The following ABCA3 variants were observed in gnomAD, a reference collection of about 807,000 sequenced individuals.
ABCA3 encodes the protein ATP binding cassette subfamily A member 3.
Under a neutral mutation model 172.8 loss-of-function variants are expected in ABCA3, and 88 were observed. The ratio of observed to expected loss-of-function variants is 0.51; its 90% CI spans 0.43 to 0.61. The LOEUF is 0.61. Ranked by LOEUF, ABCA3 falls within the 20% of genes least tolerant of loss-of-function variation. The probability of loss-of-function intolerance (pLI) is 0.00; values close to 1 mark genes in which losing one functional copy is unlikely to be tolerated. For missense variants in ABCA3, 2,164 were observed against 2,301.0 expected, an observed-to-expected ratio of 0.94 and a Z score of 1.22; for synonymous variants, 1,066 against 983.8, an observed-to-expected ratio of 1.08 and a Z score of -1.56.
chr16:2,332,470 T>C (rs1397167703), intron 1 of ABCA3: 15 of 990,960 alleles, frequency 1.5e-5, no homozygotes, highest in Non-Finnish European at 2.4e-5. Flanking sequence ...CTTCTGGTAA[T>C]AGGCCACCAG....
In ABCA3 at chr16:2,317,324, G is replaced by A. The variant is rs2093717510; in HGVS notation, c.1070C>T (p.Thr357Ile). The A allele has an allele frequency of 6.2e-7, 1 of 1,613,994 alleles. No individual in the cohort carries two copies. Among genetic ancestry groups the A allele is most frequent in the African/African-American group, 1.3e-5 (1 of 74,940 alleles). ...LAFLLCFAIS[T>I]ISFSFMVSTF... ...GCTGACCATGAAGCTGAAGGAGATG[G>A]TAGAGATGGCGAAGCACAGCAGGAA... The change falls in exon 10 of 33, where the codon ACC becomes ATC. Residue 357 changes from threonine to isoleucine, a missense_variant. Thr to Ile is a moderately conservative substitution (Grantham distance 89, BLOSUM62 -1). Transcript: ENST00000301732.
intron 11 of ABCA3, among the ~76,000 whole-genome samples, chr16:2,307,034 A>G (rs1567347047): frequency 6.6e-6 from 1 of 151,126 alleles, no homozygotes; most frequent in Admixed American, 6.6e-5. Context: ...AAAAAAAAAA[A>G]AAAAAGAAAA....
In ABCA3 at chr16:2,278,740, C is replaced by T. The variant is rs2093650642; in HGVS notation, c.4547+203G>A. On this transcript the variant is annotated intron_variant, in intron 29 of 32. Coordinates refer to ENST00000301732, the MANE Select transcript of ABCA3 (RefSeq NM_001089.3). This position sits in a 1 kb window ranked among gnomAD's most constrained non-coding sequence, Gnocchi z 4.4. ...CGACCCTGACATCTCTCACTGCTGG[C>T]TTTGTCCCTAGGTGGCAGGCACTGT... Among the ~76,000 whole-genome samples the T allele has an allele frequency of 6.6e-6, 1 of 152,232 alleles. No homozygotes were observed. The highest frequency in any genetic ancestry group is 6.5e-5 in the Admixed American group (1 of 15,286).
chr16:2,320,368 G>A (rs1287740897), intron 7 of ABCA3, among the ~76,000 whole-genome samples: 2 of 149,722 alleles, frequency 1.3e-5, no homozygotes, highest in Non-Finnish European at 3.0e-5. Flanking sequence ...AAAGTGCTGG[G>A]ATTACAGGCG....
intron 1 of ABCA3, chr16:2,339,447 C>CCCATGACATCCATTTTTAT (rs1383390783): frequency 3.3e-5 from 5 of 152,196 alleles, no homozygotes; most frequent in Admixed American, 1.3e-4. Context: ...GGGGGAGATT[C>CCCATGACATCCATTTTTAT]CCATGACATC....
At chr16:2,280,951 C>T (rs2093653982) in intron 28 of ABCA3, 76 bp downstream of exon 28, 1 of 1,575,604 alleles carries the variant, frequency 6.3e-7, no homozygotes, top group South Asian at 1.1e-5. Context: ...GACAGCATCC[C>T]TCTGTCCCTG....
intron 11 of ABCA3, among the ~76,000 whole-genome samples, chr16:2,305,050 C>T (rs1474810136): frequency 6.6e-6 from 1 of 152,064 alleles, no homozygotes; most frequent in African/African-American, 2.4e-5. Context: ...TGAGCTCGGG[C>T]AACCTACCCG....
intron 10 of ABCA3, among the ~76,000 whole-genome samples, chr16:2,315,806 G>A (rs1424273181): frequency 6.6e-6 from 1 of 151,406 alleles, no homozygotes. Context: ...TAGGACCACA[G>A]GGGCATGCCA....
At chr16:2,298,278 T>C in intron 15 of ABCA3, 108 bp downstream of exon 15, 1 of 1,534,272 alleles carries the variant, frequency 6.5e-7, no homozygotes, top group Non-Finnish European at 9.0e-7. Flanking sequence ...GAACCCTGGC[T>C]CCTGCCCTCC....
intron 5 of ABCA3, 134 bp from the exon 6 acceptor site, chr16:2,324,665 G>A: frequency 7.4e-7 from 1 of 1,351,132 alleles, no homozygotes; most frequent in East Asian, 2.5e-5. Context: ...TGAGACTCAA[G>A]GCAGCTTTCA....
intron 1 of ABCA3, among the ~76,000 whole-genome samples, chr16:2,334,598 G>A (rs1305906304): frequency 1.0e-4 from 15 of 147,762 alleles, no homozygotes; most frequent in African/African-American, 2.5e-4. Context: ...TGCAACCTCC[G>A]GCCCCCAGGT....
chr16:2,303,881 G>A, intron 12 of ABCA3, 88 bp downstream of exon 12: 1 of 1,453,606 alleles, frequency 6.9e-7, no homozygotes, highest in South Asian at 1.2e-5. Flanking sequence ...GCTGCATGCT[G>A]GGGACTCAGA....
rs954338807 is a variant in ABCA3, at chr16:2,285,889, C to T, written c.3279-243G>A. On this transcript the variant is annotated intron_variant, in intron 22 of 32. Coordinates refer to ENST00000301732, the MANE Select transcript of ABCA3 (RefSeq NM_001089.3). The surrounding 1 kb of genome is among the most constrained non-coding windows in gnomAD (Gnocchi z 4.7). Reference sequence around the variant, plus strand: ...GCAGCGTCACTCTCCCTCATCACCCCGCTCCCAGCCCTCAGCCCCACGGCT... The same window carrying T: ...GCAGCGTCACTCTCCCTCATCACCCTGCTCCCAGCCCTCAGCCCCACGGCT... Among the ~76,000 whole-genome samples, 1 of 152,196 alleles carries T rather than the reference C, an allele frequency of 6.6e-6. No individual in the cohort carries two copies. Among genetic ancestry groups the T allele is most frequent in the Non-Finnish European group, 1.5e-5 (1 of 68,022 alleles).
intron 7 of ABCA3, among the ~76,000 whole-genome samples, chr16:2,322,692 A>AT (rs1196467821): frequency 6.6e-6 from 1 of 152,104 alleles, no homozygotes; most frequent in African/African-American, 2.4e-5. Flanking sequence ...GCCTGAAACC[A>AT]TAAAAACCCT....
At chr16:2,328,090 G>C (rs1282872519) in intron 3 of ABCA3, among the ~76,000 whole-genome samples, 5 of 151,860 alleles carry the variant, frequency 3.3e-5, no homozygotes, top group Admixed American at 3.3e-4. Context: ...TATTATATAG[G>C]AACATGATAT....
At chr16:2,319,146 G>C (rs1191580448) in intron 8 of ABCA3, among the ~76,000 whole-genome samples, 2 of 151,992 alleles carry the variant, frequency 1.3e-5, no homozygotes, top group African/African-American at 4.8e-5. Flanking sequence ...GGCTGAGATG[G>C]GAGAATTTCT....
chr16:2,289,679 G>A, intron 19 of ABCA3, 59 bp from the exon 20 acceptor site: 13 of 1,530,030 alleles, frequency 8.5e-6, no homozygotes, highest in Non-Finnish European at 1.1e-5. Flanking sequence ...GTGGAGGGAG[G>A]GACTATGGTT....
At chr16:2,300,526 C>T (rs2093687233) in intron 12 of ABCA3, among the ~76,000 whole-genome samples, 1 of 152,174 alleles carries the variant, frequency 6.6e-6, no homozygotes. Context: ...CCATGCCACC[C>T]GGCTGTTTCT....
chr16:2,312,522 G>A (rs1227093171), intron 10 of ABCA3, among the ~76,000 whole-genome samples: 1 of 146,792 alleles, frequency 6.8e-6, no homozygotes. Context: ...GAGTGAAATT[G>A]GCATTTTTCT....
Sources: gnomAD v4.1 joint callset for allele counts (sites outside exome capture counted in the v4.1 genomes callset) on GRCh38, gnomAD v4.1.1 for gene constraint, Gnocchi (gnomAD v3.1) non-coding constraint, MANE v1.5 for transcripts, NCBI Gene and HGNC (gene_info 2026-07-23, HGNC 2026-07-21) for gene names.